ANO2: variants seen among roughly 807,000 people sequenced by gnomAD.
The protein encoded by ANO2 is anoctamin-2.
In ANO2, 101 loss-of-function variants were observed where a neutral mutation model predicts 124.2. The ratio of observed to expected loss-of-function variants is 0.81; its 90% CI spans 0.69 to 0.96. ANO2 has a LOEUF of 0.96. Ranked by LOEUF, ANO2 falls within the 40% of genes least tolerant of loss-of-function variation. The probability of loss-of-function intolerance (pLI) is 0.00; values close to 1 mark genes in which losing one functional copy is unlikely to be tolerated. For missense variants in ANO2, 1,293 were observed against 1,274.5 expected (o/e 1.01, Z -0.22); for synonymous variants, 486 against 482.5 (o/e 1.01, Z -0.09).
At chr12:5,851,453 C>T (rs1391348017) in intron 4 of ANO2, among the ~76,000 whole-genome samples, 1 of 151,862 alleles carries the variant, frequency 6.6e-6, no homozygotes, top group East Asian at 1.9e-4. Flanking sequence ...TTTGGGAAGC[C>T]GAGGCGGGCA....
intron 3 of ANO2, among the ~76,000 whole-genome samples, chr12:5,917,130 G>A (rs1378787708): frequency 4.6e-5 from 7 of 152,104 alleles, no homozygotes; most frequent in Non-Finnish European, 1.0e-4. Context: ...CAGGACCCCA[G>A]TCTAACACTG....
chr12:5,722,980 T>C (rs1950291777), intron 14 of ANO2, among the ~76,000 whole-genome samples: 1 of 152,198 alleles, frequency 6.6e-6, no homozygotes, highest in Non-Finnish European at 1.5e-5. Context: ...CAAACAACCT[T>C]GCCATGTAAG....
At chr12:5,567,422 T>C (rs891129890) in intron 23 of ANO2, among the ~76,000 whole-genome samples, 1 of 152,176 alleles carries the variant, frequency 6.6e-6, no homozygotes, top group Non-Finnish European at 1.5e-5. Flanking sequence ...CAGGACGCCA[T>C]GGCAACAGCA....
intron 7 of ANO2, among the ~76,000 whole-genome samples, chr12:5,823,639 C>A (rs1565698606): frequency 6.6e-6 from 1 of 152,344 alleles, no homozygotes; most frequent in East Asian, 1.9e-4. Flanking sequence ...TTTCCAGGCA[C>A]ACAGCGCAAG....
chr12:5,852,108 G>C, intron 4 of ANO2: 2 of 643,254 alleles, frequency 3.1e-6, no homozygotes, highest in Non-Finnish European at 5.6e-6. Context: ...AGAGGAGATA[G>C]GGTTGGCCAA....
At chr12:5,640,647 G>C (rs1454703385) in intron 15 of ANO2, among the ~76,000 whole-genome samples, 2 of 152,238 alleles carry the variant, frequency 1.3e-5, no homozygotes, top group Non-Finnish European at 2.9e-5. Context: ...CTGGTCATCA[G>C]AGAAATGCAA....
chr12:5,648,181 T>C (rs1237573032), intron 14 of ANO2, among the ~76,000 whole-genome samples: 2 of 152,170 alleles, frequency 1.3e-5, no homozygotes, highest in Non-Finnish European at 2.9e-5. Context: ...CAGGACAGTT[T>C]TCTTTGTTTT....
chr12:5,676,967 T>A lies in ANO2; in HGVS notation c.1546-29166A>T, dbSNP rs544537249. Among the ~76,000 whole-genome samples, 94 of 152,156 alleles carry A rather than the reference T, an allele frequency of 6.2e-4. 1 individual carries two copies. The highest frequency in any genetic ancestry group is 2.2e-3 in the African/African-American group (90 of 41,518). On this transcript the variant is annotated intron_variant, in intron 14 of 24. Coordinates refer to ENST00000682330, the MANE Select transcript of ANO2 (RefSeq NM_001364791.2). The stretch of plus-strand genomic sequence containing the variant: ...TACTTGGGAGGCTGAGACAGGAGAA[T>A]CACTTGAACCTGGCAGGTGGAGGTT...
At chr12:5,848,302 T>A (rs1231906289) in intron 4 of ANO2, among the ~76,000 whole-genome samples, 1 of 152,268 alleles carries the variant, frequency 6.6e-6, no homozygotes, top group East Asian at 1.9e-4. Flanking sequence ...CTCTCCTGCA[T>A]CCATCACCCT....
At chr12:5,748,127 C>T (rs1951325183) in intron 11 of ANO2, among the ~76,000 whole-genome samples, 1 of 151,790 alleles carries the variant, frequency 6.6e-6, no homozygotes, top group African/African-American at 2.4e-5. Flanking sequence ...TGTGTGTGAA[C>T]GTGGGCTGTG....
At chr12:5,601,992 C>T (rs1033585444) in intron 19 of ANO2, among the ~76,000 whole-genome samples, 11 of 152,250 alleles carry the variant, frequency 7.2e-5, no homozygotes, top group African/African-American at 2.6e-4. Flanking sequence ...GGGGTGGTGA[C>T]TGGTCAAAGC....
intron 13 of ANO2, among the ~76,000 whole-genome samples, chr12:5,736,850 T>C (rs1342405700): frequency 6.6e-6 from 1 of 152,174 alleles, no homozygotes; most frequent in Admixed American, 6.5e-5. Context: ...GCTGTTTCTT[T>C]CTCGTGGGCA....
chr12:5,638,043 C>G (rs1163809510), intron 15 of ANO2, among the ~76,000 whole-genome samples: 1 of 152,122 alleles, frequency 6.6e-6, no homozygotes, highest in Non-Finnish European at 1.5e-5. Context: ...TAGGAATCAT[C>G]TATGTACAGT....
rs1941690125 is a variant in ANO2 at position 5,921,322 on chromosome 12, C to A, written c.252G>T (p.Glu84Asp). 1.2e-6 allele frequency: 2 copies of A among 1,613,958 alleles called. No individual in the cohort carries two copies. Among genetic ancestry groups the A allele is most frequent in the Non-Finnish European group, 1.7e-6 (2 of 1,179,894 alleles). ...GGAAGTGCATGCGGCTAAGACGGGC[C>A]TCCAAGGACACAGGCTCATTGGCAT... ...YLDANEPVSL[E>D]ARLSRMHFHD... Residue 84 changes from glutamate to aspartate, a missense_variant, in exon 3 of 25, where the codon GAG becomes GAT. By Grantham distance (45) the Glu-to-Asp change is conservative. Coordinates refer to ENST00000682330, the MANE Select transcript of ANO2 (RefSeq NM_001364791.2).
At chr12:5,726,533 C>T (rs1950447903) in intron 14 of ANO2, among the ~76,000 whole-genome samples, 1 of 152,116 alleles carries the variant, frequency 6.6e-6, no homozygotes. Flanking sequence ...TGCCTGGCTT[C>T]GACTCTGGCT....
chr12:5,738,637 AG>A (rs1950970253), intron 13 of ANO2, among the ~76,000 whole-genome samples: 1 of 152,174 alleles, frequency 6.6e-6, no homozygotes, highest in Admixed American at 6.5e-5. Flanking sequence ...TTGGAGGAGC[AG>A]GAATTATGGT....
intron 11 of ANO2, among the ~76,000 whole-genome samples, chr12:5,748,168 G>A (rs1951326955): frequency 6.6e-6 from 1 of 152,232 alleles, no homozygotes; most frequent in Non-Finnish European, 1.5e-5. Context: ...TATCGTTGCA[G>A]CATGTGCAGA....
rs148020365 is a variant in ANO2, at chr12:5,691,903, A to G, written c.1545+40617T>C. 1.9e-3 allele frequency among the ~76,000 whole-genome samples: 279 copies of G among 146,560 alleles called. 2 individuals are homozygous for G. The highest frequency in any genetic ancestry group is 0.017 in the East Asian group (86 of 5,122). On this transcript the variant is annotated intron_variant, in intron 14 of 24. Transcript: ENST00000682330. ...TGGGTGACAGAGCGAGACTATCTTA[A>G]AAAAAAAAAAGTGAATGTAGTTCAA...
chr12:5,782,693 GT>G (rs998988201), intron 10 of ANO2, among the ~76,000 whole-genome samples: 33 of 152,302 alleles, frequency 2.2e-4, no homozygotes, highest in African/African-American at 7.7e-4. Context: ...TGATTCTGGT[GT>G]GCTGCTGGAG....
Sources: allele counts gnomAD v4.1 joint callset (sites outside exome capture counted in the v4.1 genomes callset), GRCh38; gene constraint gnomAD v4.1.1; transcripts MANE v1.5; gene names NCBI Gene and HGNC (gene_info 2026-07-23, HGNC 2026-07-21).